Variants in WDPCP observed in about 807,000 individuals in gnomAD.
WDPCP encodes WD repeat-containing and planar cell polarity effector protein fritz homolog.
Under a neutral mutation model 93.1 loss-of-function variants are expected in WDPCP, and 71 were observed. The observed-to-expected ratio is 0.76, with a 90% CI of 0.63 to 0.93. The LOEUF is 0.93. Ranked by LOEUF, WDPCP falls within the 40% of genes least tolerant of loss-of-function variation. The pLI, the probability that WDPCP is intolerant of heterozygous loss-of-function variation, is 0.00. For missense variants in WDPCP, 844 were observed against 887.4 expected (o/e 0.95, Z 0.62); for synonymous variants, 315 against 315.0 (o/e 1.00, Z 0.00).
At chr2:63,366,503 A>G (rs1690915757) in intron 12 of WDPCP, among the ~76,000 whole-genome samples, 2 of 124,720 alleles carry the variant, frequency 1.6e-5, no homozygotes, top group South Asian at 6.0e-4. Flanking sequence ...AATAATAGTT[A>G]GCACTCATTG....
At chr2:63,223,058 C>T (rs1021435031) in intron 14 of WDPCP, among the ~76,000 whole-genome samples, 1 of 152,030 alleles carries the variant, frequency 6.6e-6, no homozygotes, top group Non-Finnish European at 1.5e-5. Context: ...TGGGTATAAT[C>T]TTTTAGTCCT....
intron 14 of WDPCP, among the ~76,000 whole-genome samples, chr2:63,199,827 G>A (rs1185438593): frequency 2.0e-5 from 3 of 152,282 alleles, no homozygotes; most frequent in African/African-American, 7.2e-5. Flanking sequence ...ACCCCAGAAT[G>A]GTAGATACAC....
At chr2:63,437,051 C>T (rs1485903717) in intron 8 of WDPCP, among the ~76,000 whole-genome samples, 2 of 151,780 alleles carry the variant, frequency 1.3e-5, no homozygotes, top group Non-Finnish European at 2.9e-5. Context: ...AGTATCCTAC[C>T]CTAGAAAGCT....
At chr2:63,512,143 C>T (rs1359374312) in intron 1 of WDPCP, among the ~76,000 whole-genome samples, 1 of 152,132 alleles carries the variant, frequency 6.6e-6, no homozygotes, top group Non-Finnish European at 1.5e-5. Context: ...TGAAAAAAAG[C>T]TCATCATCAC....
chr2:63,261,048 G>C (rs1359342171), intron 13 of WDPCP, among the ~76,000 whole-genome samples: 1 of 152,194 alleles, frequency 6.6e-6, no homozygotes, highest in Non-Finnish European at 1.5e-5. Context: ...TCAAGCTAAA[G>C]TTACAATGTA....
In WDPCP at chr2:63,486,553, T is replaced by G; in HGVS notation, c.242A>C (p.Lys81Thr). 1.9e-6 allele frequency: 3 copies of G among 1,575,962 alleles called. No individual in the cohort carries two copies. The highest frequency in any genetic ancestry group is 1.7e-6 in the Non-Finnish European group (2 of 1,157,620). Residue 81 changes from lysine (K) to threonine (T), a missense_variant, in exon 4 of 18, where the codon AAG (lysine) becomes ACG (threonine). By Grantham distance (78) the Lys-to-Thr change is moderately conservative (BLOSUM62 -1). Transcript: ENST00000272321. ...TAAAGTAAGCTTACACTCTGCCAGC[T>G]TCTGCTTCTTTTCTAAGTTACCATG... ...TEHGNLEKKQ[K>T]LAESRDYPWT...
intron 2 of WDPCP, among the ~76,000 whole-genome samples, chr2:63,745,257 A>G (rs949732957): frequency 6.6e-6 from 1 of 152,176 alleles, no homozygotes; most frequent in Non-Finnish European, 1.5e-5. Context: ...CCCTTTAAAA[A>G]TTATTTTCTT....
intron 1 of WDPCP, among the ~76,000 whole-genome samples, chr2:63,532,887 A>G (rs1558767181): frequency 6.6e-6 from 1 of 152,232 alleles, no homozygotes; most frequent in Non-Finnish European, 1.5e-5. Context: ...AATGGGCTAA[A>G]TGCTCTAATT....
At chr2:63,631,786 C>T (rs1215980721) in intron 3 of WDPCP, among the ~76,000 whole-genome samples, 1 of 152,194 alleles carries the variant, frequency 6.6e-6, no homozygotes, top group Non-Finnish European at 1.5e-5. Context: ...CCCCAAGTGG[C>T]CTGCTCAATG....
intron 3 of WDPCP, among the ~76,000 whole-genome samples, chr2:63,610,112 G>T (rs1709599926): frequency 6.6e-6 from 1 of 152,054 alleles, no homozygotes; most frequent in Non-Finnish European, 1.5e-5. Flanking sequence ...TCTTAATGGA[G>T]TCCAGGCCCA....
chr2:63,294,060 T>C (rs1278290915), intron 13 of WDPCP, among the ~76,000 whole-genome samples: 1 of 152,044 alleles, frequency 6.6e-6, no homozygotes, highest in Non-Finnish European at 1.5e-5. Context: ...GTGAGACACA[T>C]TATAATTAAA....
intron 9 of WDPCP, among the ~76,000 whole-genome samples, chr2:63,425,537 T>C (rs572533685): frequency 1.3e-5 from 2 of 152,132 alleles, no homozygotes; most frequent in Non-Finnish European, 2.9e-5. Context: ...ACAACCAAAC[T>C]AAACTTCTGA....
chr2:63,696,985 C>A (rs1226969240), intron 2 of WDPCP, among the ~76,000 whole-genome samples: 1 of 152,174 alleles, frequency 6.6e-6, no homozygotes, highest in Non-Finnish European at 1.5e-5. Context: ...GTATTTGTTG[C>A]AGTATTATTT....
chr2:63,443,469 C>G (rs1426119662), intron 6 of WDPCP, among the ~76,000 whole-genome samples: 1 of 152,148 alleles, frequency 6.6e-6, no homozygotes, highest in East Asian at 1.9e-4. Flanking sequence ...TGCAAAAACT[C>G]TGAGGTGGCA....
intron 13 of WDPCP, among the ~76,000 whole-genome samples, chr2:63,287,228 A>T (rs1000805262): frequency 6.6e-6 from 1 of 152,060 alleles, no homozygotes. Context: ...GTCACATTGA[A>T]GGTCAGGGCT....
intron 12 of WDPCP, among the ~76,000 whole-genome samples, chr2:63,351,124 G>A (rs1689577974): frequency 6.6e-6 from 1 of 152,028 alleles, no homozygotes; most frequent in Admixed American, 6.6e-5. Context: ...TGGGATTACA[G>A]GCGTGTGCCA....
chr2:63,628,730 C>G (rs926460617), intron 3 of WDPCP, among the ~76,000 whole-genome samples: 2 of 152,188 alleles, frequency 1.3e-5, no homozygotes, highest in Non-Finnish European at 2.9e-5. Context: ...TCCTTTACAG[C>G]AGCTGCTCAA....
At position 63,594,450 on chromosome 2, in the gene WDPCP, T is replaced by C. The variant is rs759926989; in HGVS notation, n.488+56209A>G. The C allele has an allele frequency of 4.8e-5, 64 of 1,336,658 alleles. 1 individual carries two copies. In the South Asian group the frequency reaches 7.0e-4, roughly 15 times the overall value. 82.8% of individuals were successfully genotyped at this position (1,336,658 alleles called of 1,614,324 possible). On this transcript the variant is annotated intron_variant and non_coding_transcript_variant, in intron 3 of 4. Transcript: ENST00000467687. The stretch of plus-strand genomic sequence containing the variant: ...AATCCTGGATATTTTTAAGGTACAG[T>C]AGTACTTAAAGATGTTAATGGGTCT...
At chr2:63,608,486 T>A (rs906340941) in intron 3 of WDPCP, among the ~76,000 whole-genome samples, 2 of 152,340 alleles carry the variant, frequency 1.3e-5, no homozygotes, top group African/African-American at 2.4e-5. Context: ...ATTGTATTAA[T>A]AAATATCTCC....
Sources: gnomAD v4.1 joint callset for allele counts (sites outside exome capture counted in the v4.1 genomes callset) on GRCh38, gnomAD v4.1.1 for gene constraint, MANE v1.5 for transcripts, NCBI Gene and HGNC (gene_info 2026-07-23, HGNC 2026-07-21) for gene names.